Variants in MESD observed in about 807,000 individuals in gnomAD.
MESD encodes the protein mesoderm development LRP chaperone.
MESD carries 7 observed loss-of-function variants against 12.9 expected under a neutral mutation model. The observed-to-expected ratio is 0.54, with a 90% confidence interval of 0.31 to 1.02. MESD has a LOEUF of 1.02. MESD is among the 50% of genes least tolerant of loss of function. MESD has a pLI of 0.05. For missense variants in MESD, 342 were observed against 296.7 expected, an observed-to-expected ratio of 1.15 and a Z score of -1.12; for synonymous variants, 126 against 115.6, an observed-to-expected ratio of 1.09 and a Z score of -0.58.
chr15:80,946,852 C>T, downstream of MESD: 1 of 739,360 alleles, frequency 1.4e-6, no homozygotes, highest in South Asian at 1.5e-5. Context: ...CCTGGACAGG[C>T]CTCTGGGCAC....
chr15:80,953,057 A>G (rs1175086456), intron 3 of MESD: 1 of 455,964 alleles, frequency 2.2e-6, no homozygotes, highest in Non-Finnish European at 4.4e-6. Context: ...GAGATGGATA[A>G]GAGAAGGGCC....
chr15:80,983,085 A>T (rs1902626094), intron 1 of MESD, among the ~76,000 whole-genome samples: 1 of 152,154 alleles, frequency 6.6e-6, no homozygotes, highest in East Asian at 1.9e-4. Flanking sequence ...CTTAAAAAAA[A>T]TTTAAAAATT....
At chr15:80,986,523 T>C (rs1251182770) in intron 1 of MESD, among the ~76,000 whole-genome samples, 1 of 152,208 alleles carries the variant, frequency 6.6e-6, no homozygotes, top group African/African-American at 2.4e-5. Flanking sequence ...CTGTACCCCA[T>C]AAATATGTAT....
In MESD at chr15:80,978,155, T is replaced by A. The variant is rs566064128; in HGVS notation, c.*1064A>T. On this transcript the variant is annotated 3_prime_UTR_variant, in exon 3 of 3. Coordinates refer to ENST00000261758, the MANE Select transcript of MESD (RefSeq NM_015154.3). ...GCTACCACCGGCGGCAAGAGAGGGA[T>A]ACACTTTTCACTTTGTACCATTCTT... is the stretch of plus-strand genomic sequence containing the variant. The A allele has an allele frequency of 6.6e-6, 1 of 152,298 alleles. No individual in the cohort carries two copies. The highest frequency in any genetic ancestry group is 1.9e-4 in the East Asian group (1 of 5,182). 9.4% of individuals were successfully genotyped at this position (152,298 alleles called of 1,614,324 possible).
At chr15:80,975,190 G>A (rs1263705699), downstream of MESD, among the ~76,000 whole-genome samples, 1 of 144,724 alleles carries the variant, frequency 6.9e-6, no homozygotes, top group Admixed American at 7.0e-5. Context: ...GCAACATGGT[G>A]AGACACCTCC....
At chr15:80,979,531 G>A in intron 2 of MESD, 54 bp from the exon 3 acceptor site, 1 of 1,565,064 alleles carries the variant, frequency 6.4e-7, no homozygotes, top group Non-Finnish European at 8.7e-7. Context: ...AGGTGCTAAG[G>A]GGTCAGAGCA....
intron 4 of MESD, chr15:80,951,351 C>T (rs1901816848): frequency 6.6e-6 from 1 of 152,584 alleles, no homozygotes; most frequent in Non-Finnish European, 1.5e-5. Flanking sequence ...TCACCAAGAG[C>T]CAATATCTAG....
At chr15:80,973,599 A>C (rs914189505), downstream of MESD, among the ~76,000 whole-genome samples, 4 of 152,146 alleles carry the variant, frequency 2.6e-5, no homozygotes, top group African/African-American at 9.7e-5. Flanking sequence ...AGGGAATATG[A>C]ACTTCTAAGC....
chr15:80,980,835 T>C (rs918284581), intron 2 of MESD, among the ~76,000 whole-genome samples: 16 of 145,082 alleles, frequency 1.1e-4, no homozygotes, highest in Admixed American at 6.8e-4. Context: ...TTTTTTTTTT[T>C]CTTCCCCGAG....
At chr15:80,947,796 A>C (rs1901627267) in exon 5 of MESD, 1 of 152,558 alleles carries the variant, frequency 6.6e-6, no homozygotes, top group Non-Finnish European at 1.5e-5. Flanking sequence ...TTACTCATTA[A>C]TAACCTGTGC....
exon 5 of MESD, chr15:80,947,404 T>C (rs1230672801): frequency 1.8e-5 from 6 of 326,182 alleles, no homozygotes; most frequent in Non-Finnish European, 3.6e-5. Context: ...ACCCAATTCC[T>C]GCTATTCAGA....
At position 80,989,703 on chromosome 15, in the gene MESD, C is replaced by T; in HGVS notation, c.89G>A (p.Gly30Glu). 1 of 1,611,534 alleles carries T rather than the reference C, an allele frequency of 6.2e-7. No homozygotes were observed. The highest frequency in any genetic ancestry group is 1.1e-5 in the South Asian group (1 of 91,084). The change falls in exon 1 of 3, where the codon GGG becomes GAG. Residue 30 changes from glycine (G) to glutamate (E), a missense_variant. Gly to Glu is a moderately conservative substitution (Grantham distance 98, BLOSUM62 -2). Coordinates refer to ENST00000261758, the MANE Select transcript of MESD (RefSeq NM_015154.3). ...GGGCGAGCCTTCGGCCGCGCAGGAC[C>T]CAGGCGGTGGTAGCAGTAGCAGCAG... is the stretch of plus-strand genomic sequence containing the variant. ...LLLLLLLPPP[G>E]SCAAEGSPGT...
chr15:80,986,785 G>T (rs1902745718), intron 1 of MESD, among the ~76,000 whole-genome samples: 2 of 152,160 alleles, frequency 1.3e-5, no homozygotes. Context: ...ATTACTGTTT[G>T]TCTAAGTCAG....
chr15:80,954,816 C>T (rs1901932864), intron 3 of MESD, among the ~76,000 whole-genome samples: 2 of 152,258 alleles, frequency 1.3e-5, no homozygotes, highest in Admixed American at 1.3e-4. Flanking sequence ...AATTTGTAAA[C>T]TTTCTTAAAA....
chr15:80,946,524 CTT>C (rs910213142), downstream of MESD: 9 of 188,256 alleles, frequency 4.8e-5, no homozygotes, highest in African/African-American at 2.1e-4. Flanking sequence ...CACCTCCTCT[CTT>C]TCTCTTCCCT....
chr15:80,986,600 C>A (rs906934083), intron 1 of MESD, among the ~76,000 whole-genome samples: 5 of 152,122 alleles, frequency 3.3e-5, no homozygotes, highest in African/African-American at 4.8e-5. Flanking sequence ...TCCAGTTCTA[C>A]CCTTAGTCTG....
At chr15:80,958,793 T>G (rs1160081999) in intron 3 of MESD, among the ~76,000 whole-genome samples, 2 of 152,182 alleles carry the variant, frequency 1.3e-5, no homozygotes, top group Non-Finnish European at 2.9e-5. Context: ...AGGATTGTCT[T>G]TTCAAGGTCC....
intron 3 of MESD, among the ~76,000 whole-genome samples, chr15:80,959,327 A>G (rs868134350): frequency 1.3e-5 from 2 of 152,210 alleles, no homozygotes; most frequent in African/African-American, 2.4e-5. Context: ...CCTCTGGGTC[A>G]GTGCATTCAC....
intron 3 of MESD, among the ~76,000 whole-genome samples, chr15:80,967,737 G>C (rs1050587017): frequency 6.6e-6 from 1 of 152,214 alleles, no homozygotes; most frequent in Non-Finnish European, 1.5e-5. Flanking sequence ...GAGCTGCCAA[G>C]TCTGGGCTTC....
Sources: allele counts gnomAD v4.1 joint callset (sites outside exome capture counted in the v4.1 genomes callset), GRCh38; gene constraint gnomAD v4.1.1; transcripts MANE v1.5; gene names NCBI Gene and HGNC (gene_info 2026-07-23, HGNC 2026-07-21).